ADHFE1: variants seen among roughly 807,000 people sequenced by gnomAD.
ADHFE1 encodes alcohol dehydrogenase iron containing 1, also known as hydroxyacid-oxoacid transhydrogenase, mitochondrial.
Under a neutral mutation model 54.8 loss-of-function variants are expected in ADHFE1, and 37 were observed. The ratio of observed to expected loss-of-function variants is 0.68; its 90% confidence interval spans 0.52 to 0.89. The LOEUF (loss-of-function observed/expected upper bound fraction) is 0.89, where lower values mean the gene tolerates loss of function less well. Ranked by LOEUF, ADHFE1 falls within the 40% of genes least tolerant of loss-of-function variation. The pLI is 0.00. For missense variants in ADHFE1, 601 were observed against 591.2 expected (o/e 1.02, Z -0.17); for synonymous variants, 203 against 229.3 (o/e 0.89, Z 1.04).
intron 5 of ADHFE1, 62 bp downstream of exon 5, chr8:66,444,810 CT>C (rs763495877): frequency 5.0e-6 from 8 of 1,596,266 alleles, no homozygotes; most frequent in Non-Finnish European, 6.0e-6. Flanking sequence ...TTGATTAAAA[CT>C]TGCCCCCAAC....
intron 2 of ADHFE1, among the ~76,000 whole-genome samples, chr8:66,441,332 G>T (rs574441697): frequency 6.6e-6 from 1 of 152,250 alleles, no homozygotes; most frequent in South Asian, 2.1e-4. Context: ...AAACTCCTGG[G>T]CTATCCTACC....
chr8:66,438,728 G>A (rs1240895784), intron 1 of ADHFE1, among the ~76,000 whole-genome samples: 1 of 152,086 alleles, frequency 6.6e-6, no homozygotes, highest in African/African-American at 2.4e-5. Context: ...CTCTTCAATA[G>A]GCTGAAAAAG....
chr8:66,458,071 C>G (rs1806690084), intron 12 of ADHFE1, among the ~76,000 whole-genome samples: 2 of 152,054 alleles, frequency 1.3e-5, no homozygotes, highest in Admixed American at 1.3e-4. Flanking sequence ...TTGAATCTTA[C>G]CAGAAATAAA....
At chr8:66,452,354 G>A (rs894893095) in intron 9 of ADHFE1, among the ~76,000 whole-genome samples, 3 of 152,234 alleles carry the variant, frequency 2.0e-5, no homozygotes, top group African/African-American at 7.2e-5. Context: ...AAGCTAGGAT[G>A]AGGGGTGGTG....
At chr8:66,461,208 T>C (rs1806880535) in intron 13 of ADHFE1, among the ~76,000 whole-genome samples, 1 of 152,178 alleles carries the variant, frequency 6.6e-6, no homozygotes, top group Non-Finnish European at 1.5e-5. Flanking sequence ...GAGTGCTTGG[T>C]TGGTGGACCA....
chr8:66,459,154 A>G (rs1178074934), intron 12 of ADHFE1, among the ~76,000 whole-genome samples: 1 of 152,184 alleles, frequency 6.6e-6, no homozygotes, highest in African/African-American at 2.4e-5. Context: ...GAACAATACA[A>G]GAGAAAGTGG....
intron 2 of ADHFE1, 35 bp downstream of exon 2, chr8:66,440,234 T>A: frequency 1.2e-6 from 2 of 1,601,612 alleles, no homozygotes; most frequent in South Asian, 2.3e-5. Flanking sequence ...AGCCACAATT[T>A]TGGTTTCTGC....
intron 9 of ADHFE1, among the ~76,000 whole-genome samples, chr8:66,453,023 C>T (rs1806383355): frequency 6.6e-6 from 1 of 152,224 alleles, no homozygotes; most frequent in Non-Finnish European, 1.5e-5. Context: ...AGCAGAGCAG[C>T]AGGAAGGAAC....
At chr8:66,445,466 C>A in intron 6 of ADHFE1, 52 bp downstream of exon 6, 1 of 1,510,522 alleles carries the variant, frequency 6.6e-7, no homozygotes, top group Non-Finnish European at 8.9e-7. Context: ...AGCAATAGAT[C>A]TTAAGAAAGA....
chr8:66,444,480 T>C (rs1336247689), intron 4 of ADHFE1, 60 bp downstream of exon 4: 5 of 1,607,894 alleles, frequency 3.1e-6, no homozygotes, highest in Non-Finnish European at 4.3e-6. Context: ...CACAAGACCA[T>C]GCTAAATGAC....
At chr8:66,461,562 A>C (rs1049930303) in intron 13 of ADHFE1, among the ~76,000 whole-genome samples, 1 of 152,098 alleles carries the variant, frequency 6.6e-6, no homozygotes, top group African/African-American at 2.4e-5. Context: ...TGTCCACAGG[A>C]GCCAGGTAGA....
At chr8:66,465,183 G>A (rs542563538) in intron 13 of ADHFE1, among the ~76,000 whole-genome samples, 12 of 152,264 alleles carry the variant, frequency 7.9e-5, no homozygotes, top group African/African-American at 1.2e-4. Flanking sequence ...GAATATTGGT[G>A]TACAAGTATC....
In ADHFE1 at chr8:66,456,817, C is replaced by A; in HGVS notation, c.987C>A (p.Cys329Ter). The change falls in exon 11 of 14, where the codon TGC (cysteine) becomes TGA (stop). Residue 329 changes from cysteine (C) to a stop codon, truncating the protein, a stop_gained and splice_region_variant. Coordinates refer to ENST00000396623, the MANE Select transcript of ADHFE1 (RefSeq NM_144650.3). LOFTEE classifies it high-confidence loss of function. ...CATAAGGATTTTCTTTCTTTTCTAG[C>A]CATGGAATGTCTTACCCAATTTCAG... The part of the protein sequence containing the change: ...IGFGNAGVHL[C>*]HGMSYPISGL... 3.7e-6 allele frequency: 6 copies of A among 1,606,350 alleles called. No individual in the cohort carries two copies. The highest frequency in any genetic ancestry group is 4.3e-6 in the Non-Finnish European group (5 of 1,175,176).
At chr8:66,435,484 C>T (rs1160431904) in intron 1 of ADHFE1, among the ~76,000 whole-genome samples, 1 of 151,950 alleles carries the variant, frequency 6.6e-6, no homozygotes, top group Non-Finnish European at 1.5e-5. Flanking sequence ...CATCTTGCTT[C>T]AGTGCTCACA....
chr8:66,437,722 G>A (rs564196916), intron 1 of ADHFE1, among the ~76,000 whole-genome samples: 1 of 152,318 alleles, frequency 6.6e-6, no homozygotes, highest in South Asian at 2.1e-4. Flanking sequence ...AAAGTTGTGA[G>A]AAACAGTAGA....
At chr8:66,444,455 A>G (rs1805924661) in intron 4 of ADHFE1, 35 bp downstream of exon 4, 1 of 1,611,338 alleles carries the variant, frequency 6.2e-7, no homozygotes, top group Non-Finnish European at 8.5e-7. Flanking sequence ...CTCCTACTGT[A>G]AATGTTACAT....
At chr8:66,450,774 A>G (rs1806257619) in intron 8 of ADHFE1, among the ~76,000 whole-genome samples, 1 of 152,218 alleles carries the variant, frequency 6.6e-6, no homozygotes, top group African/African-American at 2.4e-5. Context: ...CAGTGGCCTC[A>G]CCGGCCACCC....
chr8:66,455,005 C>T (rs1806503457), intron 10 of ADHFE1, among the ~76,000 whole-genome samples: 1 of 152,224 alleles, frequency 6.6e-6, no homozygotes, highest in Admixed American at 6.5e-5. Context: ...GCATGAGCCA[C>T]CACGCCCAGC....
At chr8:66,443,676 C>A (rs911838137) in intron 3 of ADHFE1, among the ~76,000 whole-genome samples, 2 of 152,056 alleles carry the variant, frequency 1.3e-5, no homozygotes, top group African/African-American at 4.8e-5. Flanking sequence ...AGGCACAGGC[C>A]CCATCTAAGG....
Sources: gnomAD v4.1 joint callset for allele counts (sites outside exome capture counted in the v4.1 genomes callset) on GRCh38, gnomAD v4.1.1 for gene constraint, MANE v1.5 for transcripts, NCBI Gene and HGNC (gene_info 2026-07-23, HGNC 2026-07-21) for gene names.